Variants in ADGRG1 observed in about 807,000 individuals in gnomAD.
The protein encoded by ADGRG1 is adhesion G protein-coupled receptor G1.
A neutral mutation model predicts 73.5 loss-of-function variants in ADGRG1; 53 were observed. The ratio of observed to expected loss-of-function variants is 0.72; its 90% CI spans 0.58 to 0.91. The LOEUF is 0.91. ADGRG1 is among the 40% of genes least tolerant of loss of function. The pLI is 0.00. For missense variants in ADGRG1, 795 were observed against 871.8 expected (o/e 0.91, Z 1.11); for synonymous variants, 394 against 374.4 (o/e 1.05, Z -0.60).
intron 1 of ADGRG1, chr16:57,632,178 C>T (rs1056514485): frequency 4.1e-6 from 4 of 985,368 alleles, no homozygotes; most frequent in African/African-American, 3.5e-5. Context: ...AATTTGGGCT[C>T]TTGTCCCTTG....
intron 5 of ADGRG1, chr16:57,654,937 C>A: frequency 2.6e-6 from 1 of 390,422 alleles, no homozygotes; most frequent in Non-Finnish European, 3.5e-6. Flanking sequence ...CCAGGTTGGT[C>A]TTGACCTCCG....
intron 1 of ADGRG1, chr16:57,630,178 C>A: frequency 2.5e-6 from 1 of 395,914 alleles, no homozygotes; most frequent in Non-Finnish European, 3.4e-6. Context: ...AAGCCCCCTG[C>A]CCCTCCCAGA....
At position 57,651,248 on chromosome 16, in the gene ADGRG1, G is replaced by A. The variant is rs764367185; in HGVS notation, c.113G>A (p.Arg38Gln). ...HREDFRFCSQ[R>Q]NQTHRSSLHY... is the part of the protein sequence containing the mutation. ...GAAGACTTTCGCTTCTGCAGCCAGC[G>A]GAACCAGACACACAGGAGCAGCCTC... The change falls in exon 3 of 14, where the codon CGG becomes CAG. Residue 38 changes from arginine (R) to glutamine (Q), a missense_variant. Transcript: ENST00000562631. 4.3e-6 allele frequency: 7 copies of A among 1,613,976 alleles called. No individual in the cohort carries two copies. Among genetic ancestry groups the A allele is most frequent in the Middle Eastern group, 1.6e-4 (1 of 6,084 alleles).
chr16:57,661,985 C>T lies in ADGRG1; in HGVS notation c.1933+20C>T, dbSNP rs1194961390. The T allele has an allele frequency of 1.3e-6, 2 of 1,595,948 alleles. No homozygotes were observed. The highest frequency in any genetic ancestry group is 2.2e-5 in the East Asian group (1 of 44,802). On this transcript the variant is annotated intron_variant, in intron 13 of 13. Coordinates refer to ENST00000562631, the MANE Select transcript of ADGRG1 (RefSeq NM_201525.4). ...TCCAAGGTAAGGAGAAGACCCGTCC[C>T]TTGGCCCAGGCAGGGTGTCTACACA...
chr16:57,637,210 C>G (rs1389419613), intron 1 of ADGRG1: 1 of 581,204 alleles, frequency 1.7e-6, no homozygotes, highest in East Asian at 1.4e-4. Context: ...AGTTCTCTGA[C>G]TTACAAAATG....
chr16:57,665,478 G>C lies in ADGRG1; in HGVS notation c.*1896G>C, dbSNP rs2048029770. 2 of 152,338 alleles carry C rather than the reference G, an allele frequency of 1.3e-5. No individual in the cohort carries two copies. The highest frequency in any genetic ancestry group is 1.3e-4 in the Admixed American group (2 of 15,300). The allele number at this position is 152,338 out of a possible 1,614,324, so 9.4% of individuals were successfully genotyped here. A position where few individuals can be genotyped will look rare whatever the true frequency, so the allele number is the denominator to read the frequency against. ...CTGGCCAAAGAGATTACAGTCAAAA[G>C]CTGCCTGGTCCTGGGATTTATGCAA... On this transcript the variant is annotated 3_prime_UTR_variant, in exon 14 of 14. Transcript: ENST00000562631.
chr16:57,657,995 G>GC, intron 10 of ADGRG1, among the ~76,000 whole-genome samples: 1 of 152,216 alleles, frequency 6.6e-6, no homozygotes, highest in Middle Eastern at 3.4e-3. Flanking sequence ...ACCCACCTCA[G>GC]CCCCCCGAAG....
At chr16:57,649,519 G>T (rs543599091) in intron 1 of ADGRG1, among the ~76,000 whole-genome samples, 10 of 152,154 alleles carry the variant, frequency 6.6e-5, no homozygotes, top group Non-Finnish European at 1.3e-4. Context: ...CTAGGTCTCA[G>T]GAATGATGAT....
upstream of ADGRG1, chr16:57,628,299 T>C (rs2036308447): frequency 1.6e-6 from 1 of 607,254 alleles, no homozygotes; most frequent in Non-Finnish European, 2.1e-6. Context: ...CCGGCCTCTC[T>C]GTGGGAACTT....
intron 13 of ADGRG1, chr16:57,663,076 A>G: frequency 1.0e-6 from 1 of 985,198 alleles, no homozygotes; most frequent in Non-Finnish European, 1.2e-6. Flanking sequence ...TCATAGTGCT[A>G]TTAATTTGAG....
intron 1 of ADGRG1, chr16:57,647,358 G>T (rs538591466): frequency 1.2e-5 from 12 of 981,148 alleles, no homozygotes; most frequent in Non-Finnish European, 1.5e-5. Flanking sequence ...GCTGGGGGCC[G>T]TACGGGAAGA....
At chr16:57,628,135 A>AC, upstream of ADGRG1, 1 of 884,234 alleles carries the variant, frequency 1.1e-6, no homozygotes, top group Non-Finnish European at 1.3e-6. Flanking sequence ...GCTGCCTGTC[A>AC]CCCGCTCCCT....
chr16:57,659,494 C>T lies in ADGRG1; in HGVS notation c.1368C>T (p.Leu456=), dbSNP rs1334735123. The T allele has an allele frequency of 1.2e-6, 2 of 1,613,862 alleles. No homozygotes were observed. Among genetic ancestry groups the T allele is most frequent in the African/African-American group, 1.3e-5 (1 of 75,062 alleles). Residue 456 remains leucine (L), a synonymous_variant, in exon 11 of 14, where the codon CTC becomes CTT. Transcript: ENST00000562631. ...TCCTGCTGGACACGAGCTTCCTGCT[C>T]AGCGAGCCGGTGGCCCTGACAGGCT... ...AVFLLDTSFL[L]SEPVALTGSE...
chr16:57,653,102 C>T (rs556052388), intron 3 of ADGRG1, 101 bp from the exon 4 acceptor site: 40 of 1,590,888 alleles, frequency 2.5e-5, no homozygotes, highest in African/African-American at 6.7e-5. Context: ...AAGTAAAGAT[C>T]GAGGCATTCA....
chr16:57,624,689 T>C (rs1202463101), upstream of ADGRG1: 1 of 982,482 alleles, frequency 1.0e-6, no homozygotes, highest in African/African-American at 1.8e-5. Context: ...CATGTCTTCC[T>C]ACTCCCCCAG....
chr16:57,630,466 C>A (rs1368582354), intron 1 of ADGRG1: 13 of 985,550 alleles, frequency 1.3e-5, no homozygotes, highest in Non-Finnish European at 1.6e-5. Flanking sequence ...AGGAGCTCAG[C>A]TGCTAAATGG....
intron 8 of ADGRG1, 98 bp from the exon 9 acceptor site, chr16:57,656,416 C>T: frequency 6.2e-7 from 1 of 1,607,012 alleles, no homozygotes; most frequent in Non-Finnish European, 8.5e-7. Flanking sequence ...TATGAGTAGG[C>T]CGGGTGGAAG....
rs2043352319 is a variant in ADGRG1, at chr16:57,648,997, G to A, written c.-35-1256G>A. On this transcript the variant is annotated intron_variant, in intron 1 of 13. Coordinates refer to ENST00000562631, the MANE Select transcript of ADGRG1 (RefSeq NM_201525.4). ...AGTGCCCACTTCAGAGGGTTGGAGT[G>A]GGAATCAATGCAGATGCAGGGGTGG... Among the ~76,000 whole-genome samples the A allele has an allele frequency of 2.0e-5, 3 of 152,362 alleles. No homozygotes were observed. In the South Asian group the frequency reaches 6.2e-4, roughly 32 times the overall value.
upstream of ADGRG1, among the ~76,000 whole-genome samples, chr16:57,626,423 C>G (rs1479794623): frequency 6.6e-6 from 1 of 152,234 alleles, no homozygotes; most frequent in African/African-American, 2.4e-5. Context: ...TGAATACCAA[C>G]TCCAGGTATC....
Sources: allele counts gnomAD v4.1 joint callset (sites outside exome capture counted in the v4.1 genomes callset), GRCh38; gene constraint gnomAD v4.1.1; transcripts MANE v1.5; gene names NCBI Gene and HGNC (gene_info 2026-07-23, HGNC 2026-07-21).